The following CTBP2 variants were observed in gnomAD, a reference collection of about 807,000 sequenced individuals.
CTBP2 encodes the protein C-terminal binding protein 2.
CTBP2 carries 30 observed loss-of-function variants against 80.3 expected under a neutral mutation model. That is an observed-to-expected ratio of 0.37 (90% CI 0.28 to 0.51). CTBP2 has a LOEUF of 0.51. Ranked by LOEUF, CTBP2 falls within the 20% of genes least tolerant of loss-of-function variation. The pLI is 0.93. For missense variants in CTBP2, 1,212 were observed against 1,375.3 expected, an observed-to-expected ratio of 0.88 and a Z score of 1.88; for synonymous variants, 594 against 587.4, an observed-to-expected ratio of 1.01 and a Z score of -0.16.
chr10:125,022,134 G>A (rs1009780535), intron 1 of CTBP2, among the ~76,000 whole-genome samples: 1 of 152,206 alleles, frequency 6.6e-6, no homozygotes, highest in Non-Finnish European at 1.5e-5. Context: ...CTGGGCGGTG[G>A]CCTCTCCCCT....
At chr10:125,156,278 T>A (rs1715859) in intron 1 of CTBP2, among the ~76,000 whole-genome samples, 1 of 152,168 alleles carries the variant, frequency 6.6e-6, no homozygotes, top group Non-Finnish European at 1.5e-5. Context: ...TTTTCCCTGA[T>A]AGATTAACAG....
At chr10:125,095,917 G>C (rs1849477150) in intron 2 of CTBP2, among the ~76,000 whole-genome samples, 1 of 152,086 alleles carries the variant, frequency 6.6e-6, no homozygotes, top group African/African-American at 2.4e-5. Context: ...GGGAGGCAGG[G>C]GAGTCCTTGC....
upstream of CTBP2, chr10:125,161,210 G>C (rs1161205911): frequency 1.3e-5 from 2 of 152,052 alleles, no homozygotes; most frequent in African/African-American, 4.8e-5. Context: ...GCACACAAGC[G>C]CGGCGGGCGG....
At chr10:125,101,548 T>C (rs1850621806) in intron 2 of CTBP2, among the ~76,000 whole-genome samples, 1 of 152,168 alleles carries the variant, frequency 6.6e-6, no homozygotes, top group Non-Finnish European at 1.5e-5. Context: ...CCCAAACCTT[T>C]CACTGCTTGA....
chr10:125,074,450 G>A (rs1845983345), intron 2 of CTBP2, among the ~76,000 whole-genome samples: 1 of 152,226 alleles, frequency 6.6e-6, no homozygotes, highest in African/African-American at 2.4e-5. Context: ...TGCCTCGCGG[G>A]TTCAAGCGAT....
At chr10:125,031,204 T>C (rs901297529), upstream of CTBP2, among the ~76,000 whole-genome samples, 6 of 152,124 alleles carry the variant, frequency 3.9e-5, no homozygotes, top group Non-Finnish European at 7.4e-5. Context: ...AAAAGTTTTC[T>C]TGGGCCGGGT....
intron 1 of CTBP2, among the ~76,000 whole-genome samples, chr10:125,152,121 A>G (rs1419229324): frequency 6.6e-6 from 1 of 151,654 alleles, no homozygotes; most frequent in African/African-American, 2.4e-5. Flanking sequence ...CCGCGCCGCC[A>G]GGTGTTCTGG....
At position 125,040,599 on chromosome 10, in the gene CTBP2, T is replaced by TACACACACACACACACACAC. The variant is rs59512017; in HGVS notation, c.-101-1464_-101-1445dup. On this transcript the variant is annotated intron_variant, in intron 2 of 10. Coordinates refer to the CTBP2 transcript ENST00000337195. Reference sequence around the variant, plus strand: ...TTTTAAGACCACCACCACAACCACATACACACACACACACACACACACACA... The same window carrying TACACACACACACACACACAC: ...TTTTAAGACCACCACCACAACCACATACACACACACACACACACACACACACACACACACACACACACACA... 2.5e-3 allele frequency among the ~76,000 whole-genome samples: 360 copies of TACACACACACACACACACAC among 146,076 alleles called. 3 individuals are homozygous for TACACACACACACACACACAC. The highest frequency in any genetic ancestry group is 8.6e-3 in the African/African-American group (334 of 39,024).
In CTBP2 at chr10:124,984,626, A is replaced by G. The variant is rs1292534141; in HGVS notation, c.*4892T>C. The G allele has an allele frequency of 3.2e-5, 24 of 738,872 alleles. No homozygotes were observed. The highest frequency in any genetic ancestry group is 5.1e-5 in the Non-Finnish European group (24 of 469,220). 45.8% of individuals were successfully genotyped at this position (738,872 alleles called of 1,614,324 possible). On this transcript the variant is annotated 3_prime_UTR_variant, in exon 9 of 9. Transcript: ENST00000309035. The stretch of plus-strand genomic sequence containing the variant: ...GAGCAAACTGGACTTTAATCACAAA[A>G]CTTCCAAGAGGTCAAAACCATGTGA...
intron 3 of CTBP2, 44 bp from the exon 6 acceptor site, chr10:124,998,214 A>G (rs901179127): frequency 3.2e-6 from 5 of 1,558,792 alleles, no homozygotes; most frequent in Non-Finnish European, 4.3e-6. Flanking sequence ...AAACCTCAAG[A>G]TCAGTGGGGA....
At chr10:125,044,958 T>C (rs1960854297) in intron 2 of CTBP2, among the ~76,000 whole-genome samples, 1 of 152,286 alleles carries the variant, frequency 6.6e-6, no homozygotes, top group Non-Finnish European at 1.5e-5. Flanking sequence ...GGATAGGAAA[T>C]GAGCTTAATG....
intron 2 of CTBP2, among the ~76,000 whole-genome samples, chr10:125,046,114 C>T (rs1488470700): frequency 3.3e-5 from 5 of 152,130 alleles, no homozygotes; most frequent in African/African-American, 9.7e-5. Context: ...GGTGTACCCC[C>T]CAAATCATCT....
chr10:125,129,624 C>T (rs944630607), intron 1 of CTBP2, among the ~76,000 whole-genome samples: 2 of 152,104 alleles, frequency 1.3e-5, no homozygotes, highest in South Asian at 4.1e-4. Flanking sequence ...CCCACCTGTC[C>T]GGTTTTCCTA....
intron 2 of CTBP2, among the ~76,000 whole-genome samples, chr10:125,069,390 C>T (rs1221333060): frequency 5.9e-5 from 9 of 151,934 alleles, no homozygotes; most frequent in South Asian, 2.1e-4. Context: ...GGCCGAGGTG[C>T]GTGGATCAAC....
chr10:125,124,821 C>A (rs1300523484), intron 1 of CTBP2, among the ~76,000 whole-genome samples: 1 of 152,240 alleles, frequency 6.6e-6, no homozygotes, highest in Admixed American at 6.5e-5. Flanking sequence ...TCTTCTGCTA[C>A]AGATCTTTTA....
chr10:125,085,398 C>G (rs1440980513), intron 2 of CTBP2, among the ~76,000 whole-genome samples: 1 of 152,204 alleles, frequency 6.6e-6, no homozygotes, highest in Non-Finnish European at 1.5e-5. Context: ...ACGCCTGACT[C>G]TCTGTAATGA....
At position 125,124,126 on chromosome 10, in the gene CTBP2, G is replaced by C. The variant is rs146548077; in HGVS notation, c.-205-13033C>G. On this transcript the variant is annotated intron_variant, in intron 1 of 10. Transcript: ENST00000337195. ...TTGCTCAAAGAAAGTTCTAGAGCTG[G>C]AGTGTGCTAGCAGATAGCCAGGGTC... 5.8e-4 allele frequency among the ~76,000 whole-genome samples: 89 copies of C among 152,346 alleles called. 3 individuals carry two copies. In the East Asian group the frequency reaches 0.015, roughly 26 times the overall value.
At chr10:125,036,120 C>T (rs1259364608) in intron 3 of CTBP2, among the ~76,000 whole-genome samples, 2 of 152,180 alleles carry the variant, frequency 1.3e-5, no homozygotes, top group African/African-American at 4.8e-5. Flanking sequence ...CACAGCCTGG[C>T]GGAGTGAATC....
At chr10:125,048,916 T>C (rs1199702223) in intron 2 of CTBP2, among the ~76,000 whole-genome samples, 2 of 152,160 alleles carry the variant, frequency 1.3e-5, no homozygotes, top group African/African-American at 4.8e-5. Context: ...TCTTAAGATA[T>C]ACAACTTTTT....
Sources: allele counts gnomAD v4.1 joint callset (sites outside exome capture counted in the v4.1 genomes callset), GRCh38; gene constraint gnomAD v4.1.1; transcripts MANE v1.5; gene names NCBI Gene and HGNC (gene_info 2026-07-23, HGNC 2026-07-21).